Variants in ERC2 observed in about 807,000 individuals in gnomAD.
The protein encoded by ERC2 is ERC protein 2.
ERC2 carries 42 observed loss-of-function variants against 114.8 expected under a neutral mutation model. The ratio of observed to expected loss-of-function variants is 0.37; its 90% CI spans 0.29 to 0.47. The LOEUF (loss-of-function observed/expected upper bound fraction) is 0.47. Among genes scored for constraint, ERC2 ranks in the 20% least tolerant of loss-of-function variants. The pLI is 0.99. For synonymous variants in ERC2, 454 were observed against 425.5 expected (o/e 1.07, Z -0.82); for missense variants, 939 against 1,150.7 (o/e 0.82, Z 2.66).
At chr3:56,190,717 G>T (rs891153851) in intron 3 of ERC2, among the ~76,000 whole-genome samples, 3 of 151,942 alleles carry the variant, frequency 2.0e-5, no homozygotes, top group Non-Finnish European at 2.9e-5. Flanking sequence ...GGGACCACAG[G>T]TGCATGCCAC....
At chr3:56,063,325 G>A (rs917121805) in intron 7 of ERC2, among the ~76,000 whole-genome samples, 1 of 152,112 alleles carries the variant, frequency 6.6e-6, no homozygotes, top group African/African-American at 2.4e-5. Flanking sequence ...AAAACACATA[G>A]AACTGTACAC....
chr3:56,015,243 C>T (rs933009186), intron 8 of ERC2, among the ~76,000 whole-genome samples: 2 of 152,086 alleles, frequency 1.3e-5, no homozygotes, highest in Admixed American at 6.6e-5. Context: ...TACATGTGCA[C>T]GATGTGTAGG....
intron 2 of ERC2, among the ~76,000 whole-genome samples, chr3:56,418,534 A>G (rs1002818612): frequency 1.3e-5 from 2 of 152,184 alleles, no homozygotes; most frequent in African/African-American, 4.8e-5. Flanking sequence ...CTCTCCTCTG[A>G]GGCTTGCTTT....
At chr3:56,060,187 C>A (rs1381209035) in intron 7 of ERC2, among the ~76,000 whole-genome samples, 1 of 152,186 alleles carries the variant, frequency 6.6e-6, no homozygotes, top group Admixed American at 6.5e-5. Flanking sequence ...TCAATGAACA[C>A]ACAAATGAAG....
intron 2 of ERC2, among the ~76,000 whole-genome samples, chr3:56,364,855 G>C (rs924713291): frequency 6.6e-6 from 1 of 152,142 alleles, no homozygotes; most frequent in African/African-American, 2.4e-5. Flanking sequence ...TTCTTCGCTG[G>C]GTGAGCCTCT....
chr3:56,222,593 C>G (rs1426506425), intron 3 of ERC2, among the ~76,000 whole-genome samples: 2 of 152,188 alleles, frequency 1.3e-5, no homozygotes, highest in African/African-American at 4.8e-5. Flanking sequence ...TCTGAACCAT[C>G]TACTCATAAG....
At chr3:55,838,249 A>T (rs1383703954) in intron 14 of ERC2, among the ~76,000 whole-genome samples, 1 of 152,104 alleles carries the variant, frequency 6.6e-6, no homozygotes, top group Non-Finnish European at 1.5e-5. Flanking sequence ...ACAACAGCAG[A>T]ATACACATTC....
chr3:56,183,976 A>G (rs1200779796), intron 3 of ERC2, among the ~76,000 whole-genome samples: 1 of 152,196 alleles, frequency 6.6e-6, no homozygotes, highest in Non-Finnish European at 1.5e-5. Flanking sequence ...TTCCATGGAA[A>G]TAGATAAATA....
At chr3:55,933,745 G>A (rs917322919) in intron 13 of ERC2, among the ~76,000 whole-genome samples, 9 of 152,216 alleles carry the variant, frequency 5.9e-5, no homozygotes, top group African/African-American at 2.2e-4. Flanking sequence ...CCTCTGGACT[G>A]GAGACGGTGT....
intron 2 of ERC2, among the ~76,000 whole-genome samples, chr3:56,404,118 T>C (rs1014487462): frequency 6.6e-6 from 1 of 152,232 alleles, no homozygotes; most frequent in African/African-American, 2.4e-5. Context: ...AGTTTTACAA[T>C]GTTCTCAAAT....
At position 55,945,791 on chromosome 3, in the gene ERC2, C is replaced by T. The variant is rs543092445; in HGVS notation, c.2403+4634G>A. ...AAATGATCACACTTGGGTTTAACCA[C>T]GGGCAGAGAAGAAACTTTACGGTTC... On this transcript the variant is annotated intron_variant, in intron 13 of 17. Coordinates refer to ENST00000288221, the MANE Select transcript of ERC2 (RefSeq NM_015576.3). Among the ~76,000 whole-genome samples, 143 of 152,066 alleles carry T rather than the reference C, an allele frequency of 9.4e-4. 1 individual carries two copies. Among genetic ancestry groups the T allele is most frequent in the Admixed American group, 3.2e-3 (49 of 15,268 alleles).
At chr3:55,888,913 G>A (rs1216959736) in intron 13 of ERC2, among the ~76,000 whole-genome samples, 1 of 152,070 alleles carries the variant, frequency 6.6e-6, no homozygotes, top group African/African-American at 2.4e-5. Flanking sequence ...CCTATGGAAA[G>A]AAAAAATTAA....
rs150263320 is a variant in ERC2, at chr3:56,308,902, T to A, written c.658-12467A>T. 1.4e-4 allele frequency among the ~76,000 whole-genome samples: 22 copies of A among 152,338 alleles called. No homozygotes were observed. The East Asian group carries it at 4.1e-3, about 28-fold the overall frequency. On this transcript the variant is annotated intron_variant, in intron 2 of 17. Coordinates refer to ENST00000288221, the MANE Select transcript of ERC2 (RefSeq NM_015576.3). ...ACAACTTGGCCTGCTTTACTTCTCC[T>A]GTGACTTTATTTTCTTATTAATCAC...
At chr3:56,303,308 C>T (rs569717648) in intron 2 of ERC2, among the ~76,000 whole-genome samples, 1 of 152,310 alleles carries the variant, frequency 6.6e-6, no homozygotes, top group South Asian at 2.1e-4. Context: ...AAAGTCTCCC[C>T]TGGATAGTAA....
intron 17 of ERC2, among the ~76,000 whole-genome samples, chr3:55,678,133 A>G (rs1275869182): frequency 6.6e-6 from 1 of 152,186 alleles, no homozygotes; most frequent in Non-Finnish European, 1.5e-5. Flanking sequence ...GTGGGGACAG[A>G]GATAAAGCAA....
intron 2 of ERC2, among the ~76,000 whole-genome samples, chr3:56,409,915 G>A (rs946506257): frequency 6.6e-6 from 1 of 152,134 alleles, no homozygotes; most frequent in Non-Finnish European, 1.5e-5. Context: ...AAGTGCTGAG[G>A]CAAGAATCAC....
At chr3:55,656,591 T>C (rs1345695593) in intron 17 of ERC2, among the ~76,000 whole-genome samples, 3 of 152,204 alleles carry the variant, frequency 2.0e-5, no homozygotes, top group Admixed American at 2.0e-4. Context: ...AGCCAGCTCC[T>C]GTCTCCTTAG....
chr3:55,833,597 C>A (rs1412182417), intron 14 of ERC2, among the ~76,000 whole-genome samples: 1 of 152,184 alleles, frequency 6.6e-6, no homozygotes, highest in African/African-American at 2.4e-5. Context: ...CCTAAAAGAG[C>A]TCCTGAAGGA....
chr3:56,043,844 T>C (rs1242378703), intron 7 of ERC2, among the ~76,000 whole-genome samples: 4 of 152,180 alleles, frequency 2.6e-5, no homozygotes, highest in African/African-American at 9.7e-5. Flanking sequence ...TCTTTGACTA[T>C]TTAAATAATG....
Sources: allele counts gnomAD v4.1 joint callset (sites outside exome capture counted in the v4.1 genomes callset), GRCh38; gene constraint gnomAD v4.1.1; transcripts MANE v1.5; gene names NCBI Gene and HGNC (gene_info 2026-07-23, HGNC 2026-07-21).